The following UGT2A1 variants were observed in gnomAD, a reference collection of about 807,000 sequenced individuals.
UGT2A1 encodes the protein UDP glucuronosyltransferase family 2 member A1 complex locus, also known as UDP-glucuronosyltransferase 2A1.
Under a neutral mutation model 45.4 loss-of-function variants are expected in UGT2A1, and 61 were observed. The ratio of observed to expected loss-of-function variants is 1.34; its 90% CI spans 1.09 to 1.66. UGT2A1 has a LOEUF of 1.66. UGT2A1 is among the 40% of genes most tolerant of loss of function. The pLI, the probability that UGT2A1 is intolerant of heterozygous loss-of-function variation, is 0.00. For missense variants in UGT2A1, 649 were observed against 574.3 expected (o/e 1.13, Z -1.33); for synonymous variants, 229 against 196.2 (o/e 1.17, Z -1.40).
intron 1 of UGT2A1, among the ~76,000 whole-genome samples, chr4:69,651,623 C>T (rs1373738842): frequency 6.6e-6 from 1 of 152,172 alleles, no homozygotes; most frequent in African/African-American, 2.4e-5. Context: ...CACACTGCCT[C>T]TCTAAAAATG....
At chr4:69,593,480 C>T (rs1205118173) in intron 6 of UGT2A1, among the ~76,000 whole-genome samples, 1 of 151,354 alleles carries the variant, frequency 6.6e-6, no homozygotes, top group East Asian at 1.9e-4. Context: ...TATCATATTA[C>T]TTTGGTGAGA....
intron 3 of UGT2A1, among the ~76,000 whole-genome samples, chr4:69,612,206 A>G (rs1019331444): frequency 1.3e-5 from 2 of 152,062 alleles, no homozygotes; most frequent in African/African-American, 4.8e-5. Context: ...AAATATTAAT[A>G]TAATTATTTC....
chr4:69,651,236 C>T (rs1205617910), intron 1 of UGT2A1, among the ~76,000 whole-genome samples: 1 of 152,014 alleles, frequency 6.6e-6, no homozygotes, highest in South Asian at 2.1e-4. Flanking sequence ...AAAGATTTGG[C>T]CTAAAATGTG....
intron 2 of UGT2A1, among the ~76,000 whole-genome samples, chr4:69,642,564 T>G (rs969469066): frequency 1.5e-4 from 23 of 151,714 alleles, no homozygotes; most frequent in Admixed American, 6.6e-4. Context: ...GGATATACAC[T>G]TGAATGTGTT....
chr4:69,639,654 C>A, intron 2 of UGT2A1: 1 of 1,530,572 alleles, frequency 6.5e-7, no homozygotes, highest in Non-Finnish European at 8.7e-7. Flanking sequence ...ACTGTAGATC[C>A]TTCAAGATGA....
intron 3 of UGT2A1, among the ~76,000 whole-genome samples, chr4:69,629,669 T>C (rs773492598): frequency 6.6e-6 from 1 of 152,092 alleles, no homozygotes; most frequent in Non-Finnish European, 1.5e-5. Flanking sequence ...TCTAGGAATA[T>C]TAAATAAATC....
chr4:69,646,288 T>G (rs4148281), intron 2 of UGT2A1, among the ~76,000 whole-genome samples: 19,714 of 151,792 alleles, frequency 0.13, 1,307 homozygotes, highest in South Asian at 0.22. Context: ...TGTGTATAAA[T>G]GTATCAACAT....
At chr4:69,590,328 C>T (rs1012249996) in intron 6 of UGT2A1, among the ~76,000 whole-genome samples, 1 of 152,160 alleles carries the variant, frequency 6.6e-6, no homozygotes, top group Admixed American at 6.5e-5. Context: ...GAGATAGTAA[C>T]AGAGATAACA....
At chr4:69,596,250 C>T (rs1718921567) in intron 4 of UGT2A1, 1 of 1,572,872 alleles carries the variant, frequency 6.4e-7, no homozygotes. Context: ...CTGTACTGAC[C>T]TTCTGTGGAA....
intron 3 of UGT2A1, among the ~76,000 whole-genome samples, chr4:69,608,130 T>C (rs1719778628): frequency 6.6e-6 from 1 of 152,162 alleles, no homozygotes; most frequent in African/African-American, 2.4e-5. Context: ...CGTATGTTTA[T>C]TGCAGCGCTA....
chr4:69,603,848 G>A lies in UGT2A1; in HGVS notation c.848-4454C>T, dbSNP rs1048076747. 8.1e-5 allele frequency among the ~76,000 whole-genome samples: 11 copies of A among 135,648 alleles called. 1 individual carries two copies. Among genetic ancestry groups the A allele is most frequent in the Non-Finnish European group, 1.7e-4 (11 of 63,900 alleles). The allele number at this position is 135,648 out of a possible 152,430, so 89.0% of individuals were successfully genotyped here. A position where few individuals can be genotyped will look rare whatever the true frequency, so the allele number is the denominator to read the frequency against. ...GAAGATCAAATGAATGAAATGAAGCGAGAAGAGAAGTTTAGAGAAAAAAGA... is the reference window on the plus strand; with the variant it reads ...GAAGATCAAATGAATGAAATGAAGCAAGAAGAGAAGTTTAGAGAAAAAAGA... On this transcript the variant is annotated intron_variant, in intron 3 of 6. Coordinates refer to ENST00000286604, the MANE Select transcript of UGT2A1 (RefSeq NM_001252275.3).
intron 1 of UGT2A1, among the ~76,000 whole-genome samples, chr4:69,650,590 A>G (rs1323132471): frequency 6.6e-6 from 1 of 152,062 alleles, no homozygotes; most frequent in African/African-American, 2.4e-5. Flanking sequence ...ATTAAAAATG[A>G]ATATACAAAA....
rs1722467986 is a variant in UGT2A1, at chr4:69,650,403, A to T, written c.-54-2705T>A. Among the ~76,000 whole-genome samples, 6 of 152,192 alleles carry T rather than the reference A, an allele frequency of 3.9e-5. No individual in the cohort carries two copies. The South Asian group carries it at 1.2e-3, about 32-fold the overall frequency. On this transcript the variant is annotated intron_variant, in intron 1 of 6. Transcript: ENST00000286604. ...ACTGTAGTACATTATAGTCAGCAAG[A>T]TATTAAAAACATAATTTAGATTTTA...
At chr4:69,642,260 A>G (rs1722079655) in intron 2 of UGT2A1, among the ~76,000 whole-genome samples, 1 of 151,786 alleles carries the variant, frequency 6.6e-6, no homozygotes, top group Admixed American at 6.6e-5. Flanking sequence ...CAATGTCCCA[A>G]TGTCAATTAC....
At chr4:69,645,243 C>T (rs1258654570) in intron 2 of UGT2A1, among the ~76,000 whole-genome samples, 1 of 151,698 alleles carries the variant, frequency 6.6e-6, no homozygotes, top group African/African-American at 2.4e-5. Context: ...TATCCAGCTG[C>T]TTACTGGATT....
intron 2 of UGT2A1, among the ~76,000 whole-genome samples, 200 bp from the exon 3 acceptor site, chr4:69,636,022 TG>T (rs1330737848): frequency 2.0e-5 from 3 of 152,120 alleles, no homozygotes; most frequent in Non-Finnish European, 4.4e-5. Flanking sequence ...AAATGTTAAT[TG>T]TTTTACTCAT....
At chr4:69,610,953 A>C (rs1329730708) in intron 3 of UGT2A1, among the ~76,000 whole-genome samples, 1 of 152,124 alleles carries the variant, frequency 6.6e-6, no homozygotes, top group East Asian at 1.9e-4. Context: ...GTTAGTTCAC[A>C]TTTCCTTATG....
At chr4:69,590,130 A>G (rs1365657580) in intron 6 of UGT2A1, among the ~76,000 whole-genome samples, 1 of 152,220 alleles carries the variant, frequency 6.6e-6, no homozygotes. Flanking sequence ...AGGCATTGTG[A>G]TAATTACTCT....
chr4:69,597,576 T>C (rs1218270410), intron 4 of UGT2A1, among the ~76,000 whole-genome samples: 2 of 152,136 alleles, frequency 1.3e-5, no homozygotes, highest in Non-Finnish European at 2.9e-5. Flanking sequence ...GCCAAATAAC[T>C]AGGGGAGGGT....
Sources: gnomAD v4.1 joint callset for allele counts (sites outside exome capture counted in the v4.1 genomes callset) on GRCh38, gnomAD v4.1.1 for gene constraint, MANE v1.5 for transcripts, NCBI Gene and HGNC (gene_info 2026-07-23, HGNC 2026-07-21) for gene names.